Variants in MCHR2 observed in about 807,000 individuals in gnomAD.
MCHR2 encodes the protein melanin-concentrating hormone receptor 2.
In MCHR2, 15 loss-of-function variants were observed where a neutral mutation model predicts 24.8. The observed-to-expected ratio is 0.60, with a 90% CI of 0.40 to 0.93. MCHR2 has a LOEUF of 0.93. Ranked by LOEUF, MCHR2 falls within the 40% of genes least tolerant of loss-of-function variation. MCHR2 has a pLI of 0.00. For missense variants in MCHR2, 386 were observed against 408.7 expected (o/e 0.94, Z 0.48); for synonymous variants, 151 against 147.6 (o/e 1.02, Z -0.17).
At chr6:99,968,566 T>C (rs1351289584) in intron 1 of MCHR2, among the ~76,000 whole-genome samples, 1 of 152,020 alleles carries the variant, frequency 6.6e-6, no homozygotes, top group African/African-American at 2.4e-5. Flanking sequence ...ACACCATGAG[T>C]TGGTGATCAT....
intron 1 of MCHR2, among the ~76,000 whole-genome samples, chr6:99,963,681 G>T (rs1320705641): frequency 6.6e-6 from 1 of 151,982 alleles, no homozygotes; most frequent in Admixed American, 6.6e-5. Context: ...ATCATAATAA[G>T]AAATGCATGT....
intron 5 of MCHR2, among the ~76,000 whole-genome samples, chr6:99,926,836 T>C (rs1774371949): frequency 6.6e-6 from 1 of 152,186 alleles, no homozygotes; most frequent in African/African-American, 2.4e-5. Context: ...AGCTCTTCAG[T>C]TTAATTAGAC....
intron 3 of MCHR2, among the ~76,000 whole-genome samples, chr6:99,944,331 G>C (rs1219879569): frequency 6.6e-6 from 1 of 152,154 alleles, no homozygotes; most frequent in East Asian, 1.9e-4. Flanking sequence ...AAGGCTATTT[G>C]AAAAAGCACA....
intron 5 of MCHR2, among the ~76,000 whole-genome samples, chr6:99,930,351 C>T (rs1481611132): frequency 1.1e-4 from 16 of 152,070 alleles, no homozygotes; most frequent in East Asian, 1.9e-4. Flanking sequence ...ATCTTTGTGG[C>T]GTTCTCTGTA....
At chr6:99,955,845 T>G in intron 2 of MCHR2, 121 bp downstream of exon 2, 2 of 799,770 alleles carry the variant, frequency 2.5e-6, no homozygotes, top group Non-Finnish European at 1.8e-6. Context: ...CTTAAGCAAA[T>G]ATTTCCAAAA....
chr6:99,987,052 T>C (rs1018943500), intron 1 of MCHR2, among the ~76,000 whole-genome samples: 1 of 151,990 alleles, frequency 6.6e-6, no homozygotes, highest in African/African-American at 2.4e-5. Flanking sequence ...ATTTTAATGT[T>C]CTTATACTCT....
At chr6:99,952,052 A>C (rs904515962) in intron 2 of MCHR2, among the ~76,000 whole-genome samples, 4 of 152,096 alleles carry the variant, frequency 2.6e-5, no homozygotes, top group Non-Finnish European at 5.9e-5. Flanking sequence ...GACAAAACAA[A>C]GTTGTCCGTT....
At chr6:99,952,703 C>CAAAT (rs908947678) in intron 2 of MCHR2, among the ~76,000 whole-genome samples, 1 of 151,952 alleles carries the variant, frequency 6.6e-6, no homozygotes, top group African/African-American at 2.4e-5. Flanking sequence ...AATTCCTAGC[C>CAAAT]AAATAAATAA....
intron 2 of MCHR2, among the ~76,000 whole-genome samples, chr6:99,951,055 A>C (rs1012821240): frequency 6.6e-6 from 1 of 152,068 alleles, no homozygotes. Flanking sequence ...GTGGGGCTCC[A>C]GCTCCCACCA....
rs562117204 is a variant in MCHR2 at position 99,919,535 on chromosome 6, T to A, written c.*1405A>T. ...TACAGACTTTATCCACAAGCAAAAA[T>A]AACAATATTTGTCTTAGTGTAGAAC... On this transcript the variant is annotated 3_prime_UTR_variant, in exon 6 of 6. Coordinates refer to ENST00000281806, the MANE Select transcript of MCHR2 (RefSeq NM_001040179.2). 2.0e-5 allele frequency among the ~76,000 whole-genome samples: 3 copies of A among 152,282 alleles called. No individual in the cohort carries two copies. The highest frequency in any genetic ancestry group is 2.0e-4 in the Admixed American group (3 of 15,296).
At chr6:99,976,842 T>C (rs1775561516) in intron 1 of MCHR2, among the ~76,000 whole-genome samples, 1 of 152,182 alleles carries the variant, frequency 6.6e-6, no homozygotes, top group African/African-American at 2.4e-5. Context: ...CAAATTCCAG[T>C]TTTGCCTTTA....
rs984405863 is a variant in MCHR2 at position 99,919,175 on chromosome 6, T to C, written c.*1765A>G. On this transcript the variant is annotated 3_prime_UTR_variant, in exon 6 of 6. Transcript: ENST00000281806. The stretch of plus-strand genomic sequence containing the variant: ...AGGAGCATCCAGCTGCATATGTAGG[T>C]CTCTAGACCTCAGCTATGGAAATAA... Among the ~76,000 whole-genome samples, 2 of 151,734 alleles carry C rather than the reference T, an allele frequency of 1.3e-5. No homozygotes were observed. Among genetic ancestry groups the C allele is most frequent in the African/African-American group, 2.4e-5 (1 of 41,424 alleles).
chr6:99,973,763 C>T (rs1775487148), intron 1 of MCHR2, among the ~76,000 whole-genome samples: 1 of 152,128 alleles, frequency 6.6e-6, no homozygotes. Context: ...CTGGTGGTGA[C>T]AAAATCTCTC....
At chr6:99,959,548 G>C (rs1775136776) in intron 1 of MCHR2, among the ~76,000 whole-genome samples, 1 of 150,924 alleles carries the variant, frequency 6.6e-6, no homozygotes, top group African/African-American at 2.4e-5. Context: ...GAAACAGTTA[G>C]ATACTAATTA....
At chr6:99,931,250 G>T (rs951320958) in intron 5 of MCHR2, among the ~76,000 whole-genome samples, 1 of 152,160 alleles carries the variant, frequency 6.6e-6, no homozygotes, top group Non-Finnish European at 1.5e-5. Context: ...GCCCCTACTG[G>T]GGGGTGCCTC....
Position 99,983,338 on chromosome 6 carries a change from T to C in MCHR2, c.-28+10598A>G, listed in dbSNP as rs548878217. On this transcript the variant is annotated intron_variant, in intron 1 of 5. Coordinates refer to ENST00000281806, the MANE Select transcript of MCHR2 (RefSeq NM_001040179.2). ...TCACTCCTGAGTCCTCATACTTAGA[T>C]GTTTGTCTATAGAGGATGTCACAAG... Among the ~76,000 whole-genome samples the C allele has an allele frequency of 7.2e-5, 11 of 152,166 alleles. No individual in the cohort carries two copies. The East Asian group carries it at 7.7e-4, about 11-fold the overall frequency.
chr6:99,952,091 T>A (rs960547419), intron 2 of MCHR2, among the ~76,000 whole-genome samples: 5 of 152,142 alleles, frequency 3.3e-5, no homozygotes, highest in Non-Finnish European at 5.9e-5. Context: ...TCCCAGGGCC[T>A]GCTGTGCCTG....
At chr6:99,950,751 T>G (rs948453135) in intron 2 of MCHR2, among the ~76,000 whole-genome samples, 2 of 152,190 alleles carry the variant, frequency 1.3e-5, no homozygotes, top group Non-Finnish European at 2.9e-5. Context: ...GTAGTATGAC[T>G]GATTTTTTAC....
intron 5 of MCHR2, among the ~76,000 whole-genome samples, chr6:99,922,700 T>C (rs937873537): frequency 6.6e-6 from 1 of 152,190 alleles, no homozygotes; most frequent in Non-Finnish European, 1.5e-5. Flanking sequence ...GAATTCATTG[T>C]AGGTGTGTGA....
Sources: allele counts gnomAD v4.1 joint callset (sites outside exome capture counted in the v4.1 genomes callset), GRCh38; gene constraint gnomAD v4.1.1; transcripts MANE v1.5; gene names NCBI Gene and HGNC (gene_info 2026-07-23, HGNC 2026-07-21).